The following CDH11 variants were observed in gnomAD, a reference collection of about 807,000 sequenced individuals.
CDH11 encodes the protein cadherin 11, also known as cadherin-11.
In CDH11, 11 loss-of-function variants were observed where a neutral mutation model predicts 67.8. That is an observed-to-expected ratio of 0.16 (90% CI 0.10 to 0.27). The LOEUF is 0.27. CDH11 is among the 10% of genes least tolerant of loss of function. The probability of loss-of-function intolerance (pLI) is 1.00; values close to 1 mark genes in which losing one functional copy is unlikely to be tolerated. For missense variants in CDH11, 847 were observed against 1,031.2 expected (o/e 0.82, Z 2.45); for synonymous variants, 419 against 400.0 (o/e 1.05, Z -0.57).
Position 64,946,070 on chromosome 16 carries a change from A to T in CDH11, c.*1533T>A. On this transcript the variant is annotated 3_prime_UTR_variant, in exon 13 of 13. Coordinates refer to ENST00000268603, the MANE Select transcript of CDH11 (RefSeq NM_001797.4). ...GACTGTAGACACACTCCTGGACCAAATGGCATCGACTCTCAGAATCCAAAA... is the reference window on the plus strand; with the variant it reads ...GACTGTAGACACACTCCTGGACCAATTGGCATCGACTCTCAGAATCCAAAA... 1 of 1,057,998 alleles carries T rather than the reference A, an allele frequency of 9.5e-7. No homozygotes were observed. The highest frequency in any genetic ancestry group is 1.1e-6 in the Non-Finnish European group (1 of 874,788). The allele number at this position is 1,057,998 out of a possible 1,614,324, so 65.5% of individuals were successfully genotyped here.
chr16:65,112,815 A>G (rs2075181907), intron 1 of CDH11, among the ~76,000 whole-genome samples: 1 of 152,234 alleles, frequency 6.6e-6, no homozygotes, highest in South Asian at 2.1e-4. Context: ...AGCGTATGAA[A>G]TGACACTGGA....
At chr16:64,979,831 T>C (rs943337726) in intron 8 of CDH11, among the ~76,000 whole-genome samples, 3 of 151,530 alleles carry the variant, frequency 2.0e-5, no homozygotes, top group African/African-American at 2.4e-5. Context: ...ATCCAAATGA[T>C]AAATGAGCAA....
chr16:65,039,916 T>G (rs1314958500), intron 2 of CDH11, among the ~76,000 whole-genome samples: 3 of 152,130 alleles, frequency 2.0e-5, no homozygotes, highest in African/African-American at 4.8e-5. Context: ...AACAGACACT[T>G]CTCAAAAGAA....
chr16:64,970,844 A>G (rs2071984509), intron 11 of CDH11, among the ~76,000 whole-genome samples: 1 of 152,232 alleles, frequency 6.6e-6, no homozygotes, highest in South Asian at 2.1e-4. Flanking sequence ...GGGCAATTTC[A>G]CTACCAAGTA....
intron 6 of CDH11, 42 bp from the exon 7 acceptor site, chr16:64,988,386 G>A: frequency 6.6e-7 from 1 of 1,523,276 alleles, no homozygotes; most frequent in Non-Finnish European, 8.9e-7. Flanking sequence ...TCTTTTATTT[G>A]GCAGCTGTAA....
At chr16:65,048,193 T>C (rs1196666015) in intron 2 of CDH11, among the ~76,000 whole-genome samples, 1 of 152,190 alleles carries the variant, frequency 6.6e-6, no homozygotes, top group Non-Finnish European at 1.5e-5. Context: ...ACTGGATACA[T>C]TCAGTCACCT....
chr16:65,027,064 T>G (rs1348296005), intron 2 of CDH11, among the ~76,000 whole-genome samples: 3 of 152,148 alleles, frequency 2.0e-5, no homozygotes, highest in African/African-American at 7.2e-5. Context: ...CATGTTTCTA[T>G]CAGTATTTCA....
intron 2 of CDH11, among the ~76,000 whole-genome samples, chr16:65,041,758 C>G (rs2073872034): frequency 6.6e-6 from 1 of 152,182 alleles, no homozygotes; most frequent in Non-Finnish European, 1.5e-5. Context: ...CATGTCAGCC[C>G]CAATTTTCCA....
intron 2 of CDH11, among the ~76,000 whole-genome samples, chr16:65,052,350 C>T (rs2074070231): frequency 6.6e-6 from 1 of 152,126 alleles, no homozygotes. Flanking sequence ...GGTGTAATCC[C>T]TGGCTGCTAA....
upstream of CDH11, chr16:65,122,259 C>A: frequency 4.8e-6 from 2 of 419,336 alleles, no homozygotes; most frequent in Non-Finnish European, 4.3e-6. Context: ...CGACCCCGTC[C>A]GCGCCCCTCC....
chr16:65,034,107 G>A (rs2073703741), intron 2 of CDH11, among the ~76,000 whole-genome samples: 1 of 152,140 alleles, frequency 6.6e-6, no homozygotes, highest in African/African-American at 2.4e-5. Flanking sequence ...TGTGCAGATG[G>A]CCAAGTTAAG....
At chr16:65,012,874 C>T (rs1036143434) in intron 2 of CDH11, among the ~76,000 whole-genome samples, 6 of 152,218 alleles carry the variant, frequency 3.9e-5, no homozygotes, top group African/African-American at 1.4e-4. Flanking sequence ...ACAATGCCTT[C>T]TTCTCTGAAT....
At chr16:64,949,320 G>A (rs1258932443) in intron 12 of CDH11, among the ~76,000 whole-genome samples, 1 of 151,614 alleles carries the variant, frequency 6.6e-6, no homozygotes, top group Non-Finnish European at 1.5e-5. Flanking sequence ...ATTTATCCAA[G>A]CCTCTGTCCT....
In CDH11 at chr16:64,947,171, CT is replaced by C. The variant is rs1431837182; in HGVS notation, c.*431del. The C allele has an allele frequency of 2.9e-6, 3 of 1,051,638 alleles. No homozygotes were observed. The African/African-American group carries it at 5.0e-5, about 18-fold the overall frequency. The allele number at this position is 1,051,638 out of a possible 1,614,324, so 65.1% of individuals were successfully genotyped here. A position where few individuals can be genotyped will look rare whatever the true frequency, so the allele number is the denominator to read the frequency against. Reference sequence around the variant, plus strand: ...TATATATTTCAAGTTTAAAAATGCACTACATATAGAGTGTCCAGAGTTTAAG... The same window carrying C: ...TATATATTTCAAGTTTAAAAATGCACACATATAGAGTGTCCAGAGTTTAAG... On this transcript the variant is annotated 3_prime_UTR_variant, in exon 13 of 13. Coordinates refer to ENST00000268603, the MANE Select transcript of CDH11 (RefSeq NM_001797.4).
chr16:64,991,557 A>G (rs980606504), intron 6 of CDH11: 33 of 499,510 alleles, frequency 6.6e-5, no homozygotes, highest in Non-Finnish European at 1.1e-4. Flanking sequence ...AACTTTTTAC[A>G]TCTTTTCATT....
intron 2 of CDH11, among the ~76,000 whole-genome samples, chr16:65,016,829 G>C (rs2073320272): frequency 6.6e-6 from 1 of 152,112 alleles, no homozygotes; most frequent in Non-Finnish European, 1.5e-5. Flanking sequence ...TACACAAATG[G>C]TTATTTCTTG....
chr16:64,965,771 AAC>A (rs55992835), intron 11 of CDH11, among the ~76,000 whole-genome samples: 4,532 of 145,894 alleles, frequency 0.031, 88 homozygotes, highest in Middle Eastern at 0.065. Flanking sequence ...CGGTGCATGA[AAC>A]ACACACACAC....
intron 1 of CDH11, among the ~76,000 whole-genome samples, chr16:65,104,478 C>T (rs1462168038): frequency 1.3e-5 from 2 of 152,130 alleles, no homozygotes; most frequent in Non-Finnish European, 2.9e-5. Context: ...TATTAAGTCC[C>T]ATTATGCACT....
At chr16:65,100,896 GA>G (rs2074980621) in intron 1 of CDH11, among the ~76,000 whole-genome samples, 1 of 152,088 alleles carries the variant, frequency 6.6e-6, no homozygotes, top group Non-Finnish European at 1.5e-5. Context: ...AATGATATCT[GA>G]AAAAACAATT....
Sources: allele counts gnomAD v4.1 joint callset (sites outside exome capture counted in the v4.1 genomes callset), GRCh38; gene constraint gnomAD v4.1.1; transcripts MANE v1.5; gene names NCBI Gene and HGNC (gene_info 2026-07-23, HGNC 2026-07-21).